The following CACNA1A variants were observed in gnomAD, a reference collection of about 807,000 sequenced individuals.
CACNA1A encodes the protein calcium voltage-gated channel subunit alpha1 A.
A neutral mutation model predicts 262.4 loss-of-function variants in CACNA1A; 57 were observed. The ratio of observed to expected loss-of-function variants is 0.22; its 90% CI spans 0.18 to 0.27. CACNA1A has a LOEUF of 0.27. CACNA1A is among the 10% of genes least tolerant of loss of function. The pLI is 1.00. For missense variants in CACNA1A, 2,526 were observed against 3,562.8 expected (o/e 0.71, Z 7.41); for synonymous variants, 1,431 against 1,419.3 (o/e 1.01, Z -0.18).
In CACNA1A at chr19:13,210,741, G is replaced by A. The variant is rs893094048; in HGVS notation, c.6304-89C>T. 4 of 1,322,628 alleles carry A rather than the reference G, an allele frequency of 3.0e-6. No homozygotes were observed. The Admixed American group carries it at 5.9e-5, about 20-fold the overall frequency. The allele number at this position is 1,322,628 out of a possible 1,614,324, so 81.9% of individuals were successfully genotyped here. On this transcript the variant is annotated intron_variant, in intron 43 of 46. Transcript: ENST00000360228. ...GCAAGAGGGAGAGTGAGGAGGTGGT[G>A]CATGGAGAAGAAGCCAAGGAGGGGA...
At chr19:13,255,382 G>T in intron 28 of CACNA1A, 123 bp from the exon 29 acceptor site, 1 of 847,222 alleles carries the variant, frequency 1.2e-6, no homozygotes, top group Non-Finnish European at 1.7e-6. Context: ...TGCCTCTCTT[G>T]CCCCCAGCCA....
At chr19:13,239,545 A>G (rs2055999274) in intron 31 of CACNA1A, among the ~76,000 whole-genome samples, 2 of 152,200 alleles carry the variant, frequency 1.3e-5, no homozygotes, top group Admixed American at 1.3e-4. Flanking sequence ...ATAGGGGCTC[A>G]TTAAATGTTT....
chr19:13,459,545 G>A (rs1476338998), intron 1 of CACNA1A, among the ~76,000 whole-genome samples: 1 of 152,222 alleles, frequency 6.6e-6, no homozygotes, highest in Non-Finnish European at 1.5e-5. Context: ...GGCATTAGGA[G>A]CCCAGAGAAC....
chr19:13,303,897 G>A lies in CACNA1A; in HGVS notation c.1987-13C>T. ...CGCCCGTCAGGATCTGAAAGGGGAG[G>A]AAGAAACACACAGCCAACCCCCCTC... On this transcript the variant is annotated splice_polypyrimidine_tract_variant and intron_variant, in intron 15 of 46. Coordinates refer to ENST00000360228, the MANE Select transcript of CACNA1A (RefSeq NM_001127222.2). 2 of 1,582,760 alleles carry A rather than the reference G, an allele frequency of 1.3e-6. No homozygotes were observed. Among genetic ancestry groups the A allele is most frequent in the South Asian group, 1.1e-5 (1 of 89,482 alleles).
intron 36 of CACNA1A, among the ~76,000 whole-genome samples, chr19:13,228,290 G>A (rs2055541534): frequency 6.6e-6 from 1 of 151,798 alleles, no homozygotes; most frequent in Non-Finnish European, 1.5e-5. Context: ...GGGAGCAGGG[G>A]CCAGTGCCAG....
At chr19:13,425,047 G>A (rs1051159253) in intron 3 of CACNA1A, among the ~76,000 whole-genome samples, 1 of 151,900 alleles carries the variant, frequency 6.6e-6, no homozygotes, top group Non-Finnish European at 1.5e-5. Context: ...CTCATGATCC[G>A]CCCACCTTAG....
rs952849781 is a variant in CACNA1A, at chr19:13,217,180, T to C, written c.5732-2572A>G. Among the ~76,000 whole-genome samples, 11 of 152,120 alleles carry C rather than the reference T, an allele frequency of 7.2e-5. No homozygotes were observed. The East Asian group carries it at 2.1e-3, about 29-fold the overall frequency. On this transcript the variant is annotated intron_variant, in intron 38 of 46. Transcript: ENST00000360228. ...AAAACCAAAACCAAAATAGAGATTC[T>C]TCTGGGCAGAGAGAACAGAGGGGTG... is the stretch of plus-strand genomic sequence containing the variant.
rs2057738153 is a variant in CACNA1A at position 13,299,221 on chromosome 19, C to T, written c.2412G>A (p.Lys804=). 1 of 1,611,166 alleles carries T rather than the reference C, an allele frequency of 6.2e-7. No homozygotes were observed. Among genetic ancestry groups the T allele is most frequent in the South Asian group, 1.1e-5 (1 of 91,094 alleles). Residue 804 remains lysine (K), a synonymous_variant, in exon 19 of 47, where the codon AAG becomes AAA. Coordinates refer to ENST00000360228, the MANE Select transcript of CACNA1A (RefSeq NM_001127222.2). Reference sequence around the variant, plus strand: ...GCCGCAGGTGCCGCGTGTAGGCAGCCTTCCAGCGCTCGTCCGGGTCCATTT... The same window carrying T: ...GCCGCAGGTGCCGCGTGTAGGCAGCTTTCCAGCGCTCGTCCGGGTCCATTT... ...YNEMDPDERW[K]AAYTRHLRPD...
intron 31 of CACNA1A, among the ~76,000 whole-genome samples, chr19:13,238,818 C>T (rs1376438522): frequency 2.0e-5 from 3 of 152,088 alleles, no homozygotes; most frequent in African/African-American, 7.2e-5. Flanking sequence ...AACTCCTGAC[C>T]TCAGGTGATC....
chr19:13,473,680 A>T (rs530560444), intron 1 of CACNA1A, among the ~76,000 whole-genome samples: 1 of 152,180 alleles, frequency 6.6e-6, no homozygotes, highest in African/African-American at 2.4e-5. Context: ...GCCAGGAGGA[A>T]CCACATCTGT....
intron 1 of CACNA1A, among the ~76,000 whole-genome samples, chr19:13,483,228 G>A (rs959627659): frequency 6.6e-6 from 1 of 152,098 alleles, no homozygotes; most frequent in Non-Finnish European, 1.5e-5. Context: ...AGCCACAGAT[G>A]GAAAGAGCCG....
intron 46 of CACNA1A, 48 bp downstream of exon 46, chr19:13,208,700 TCTCCTCCC>T: frequency 6.6e-7 from 1 of 1,509,934 alleles, no homozygotes; most frequent in East Asian, 2.3e-5. Context: ...TATCCCCTTC[TCTCCTCCC>T]CGCCTCCCGG....
chr19:13,422,097 G>A (rs1483964325), intron 3 of CACNA1A, among the ~76,000 whole-genome samples: 1 of 152,190 alleles, frequency 6.6e-6, no homozygotes, highest in Non-Finnish European at 1.5e-5. Flanking sequence ...AAGATGGGAG[G>A]ACTGCTTGAG....
chr19:13,419,166 G>A (rs920179414), intron 3 of CACNA1A, among the ~76,000 whole-genome samples: 15 of 152,074 alleles, frequency 9.9e-5, no homozygotes, highest in East Asian at 1.9e-4. Context: ...CACCGTGCCC[G>A]GCCTAGATAT....
chr19:13,278,978 T>C (rs1284712502), intron 22 of CACNA1A, among the ~76,000 whole-genome samples: 1 of 151,974 alleles, frequency 6.6e-6, no homozygotes, highest in Non-Finnish European at 1.5e-5. Context: ...CACGAGGCAG[T>C]GGGCACAGCC....
At chr19:13,430,559 C>T (rs886850734) in intron 3 of CACNA1A, among the ~76,000 whole-genome samples, 2 of 152,108 alleles carry the variant, frequency 1.3e-5, no homozygotes, top group Admixed American at 1.3e-4. Flanking sequence ...GAGGATGTTA[C>T]CACCTAGTCA....
rs571499030 is a variant in CACNA1A, at chr19:13,215,010, GTGT to G, written c.5732-405_5732-403del. ...ACCTGGTTGTTGTGTGTGTGTGTGT[GTGT>G]TTTTTTTTTTTTTTTAGACAGAGTC... is the stretch of plus-strand genomic sequence containing the variant. On this transcript the variant is annotated intron_variant, in intron 38 of 46. Coordinates refer to ENST00000360228, the MANE Select transcript of CACNA1A (RefSeq NM_001127222.2). The G allele has an allele frequency of 9.6e-3, 1,473 of 153,204 alleles. 4 individuals carry two copies. Among genetic ancestry groups the G allele is most frequent in the African/African-American group, 0.018 (692 of 39,296 alleles). 9.5% of individuals were successfully genotyped at this position (153,204 alleles called of 1,614,324 possible). A position where few individuals can be genotyped will look rare whatever the true frequency, so the allele number is the denominator to read the frequency against.
intron 19 of CACNA1A, among the ~76,000 whole-genome samples, chr19:13,291,151 G>A (rs944712023): frequency 6.6e-6 from 1 of 152,112 alleles, no homozygotes; most frequent in Non-Finnish European, 1.5e-5. Flanking sequence ...CCTGGAATAG[G>A]TGGCCAGTTG....
At chr19:13,396,825 G>A (rs2059819207) in intron 3 of CACNA1A, among the ~76,000 whole-genome samples, 2 of 147,886 alleles carry the variant, frequency 1.4e-5, no homozygotes, top group Admixed American at 6.6e-5. Flanking sequence ...GCTTTGCTCC[G>A]TTTCCGGTTT....
Sources: allele counts gnomAD v4.1 joint callset (sites outside exome capture counted in the v4.1 genomes callset), GRCh38; gene constraint gnomAD v4.1.1; transcripts MANE v1.5; gene names NCBI Gene and HGNC (gene_info 2026-07-23, HGNC 2026-07-21).